Variants in TENM3 observed in about 807,000 individuals in gnomAD.
TENM3 encodes the protein teneurin transmembrane protein 3.
Under a neutral mutation model 255.1 loss-of-function variants are expected in TENM3, and 63 were observed. That is an observed-to-expected ratio of 0.25 (90% CI 0.20 to 0.30). The LOEUF (loss-of-function observed/expected upper bound fraction) is 0.30, where lower values mean the gene tolerates loss of function less well. Among genes scored for constraint, TENM3 ranks in the 10% least tolerant of loss-of-function variants. TENM3 has a pLI of 1.00. For synonymous variants in TENM3, 1,306 were observed against 1,322.3 expected, an observed-to-expected ratio of 0.99 and a Z score of 0.27; for missense variants, 2,929 against 3,461.1, an observed-to-expected ratio of 0.85 and a Z score of 3.86.
the TENM3 span, among the ~76,000 whole-genome samples, chr4:182,118,226 G>A: frequency 3.9e-3 from 596 of 151,932 alleles, 3 homozygotes; most frequent in African/African-American, 0.014. Flanking sequence ...TGTCATGCAC[G>A]AACAGAGACA....
chr4:181,622,879 C>T, the TENM3 span, among the ~76,000 whole-genome samples: 1 of 152,048 alleles, frequency 6.6e-6, no homozygotes, highest in Non-Finnish European at 1.5e-5. Flanking sequence ...GTCATTATGC[C>T]TCTAACTCTC....
intron 1 of TENM3, among the ~76,000 whole-genome samples, chr4:182,200,094 T>G (rs1754091706): frequency 6.6e-6 from 1 of 152,020 alleles, no homozygotes; most frequent in African/African-American, 2.4e-5. Context: ...ATGGAAAAAT[T>G]TATATTAAAC....
intron 1 of TENM3, among the ~76,000 whole-genome samples, chr4:182,200,886 G>T (rs2197997): frequency 1.3e-5 from 2 of 148,148 alleles, no homozygotes; most frequent in African/African-American, 5.0e-5. Flanking sequence ...GTGCAATGGC[G>T]CGATCTCGGC....
chr4:181,538,062 C>A, the TENM3 span, among the ~76,000 whole-genome samples: 1 of 152,082 alleles, frequency 6.6e-6, no homozygotes, highest in Non-Finnish European at 1.5e-5. Context: ...TTAGTAAAAT[C>A]AAAATTTATT....
the TENM3 span, among the ~76,000 whole-genome samples, chr4:181,747,420 A>G: frequency 6.6e-6 from 1 of 152,092 alleles, no homozygotes; most frequent in South Asian, 2.1e-4. Flanking sequence ...ACAGATCCCA[A>G]GTACGCTTTG....
chr4:182,107,892 T>A, the TENM3 span, among the ~76,000 whole-genome samples: 1 of 152,176 alleles, frequency 6.6e-6, no homozygotes, highest in Non-Finnish European at 1.5e-5. Flanking sequence ...ACTTTACCCA[T>A]TTTTTAGATA....
At chr4:182,723,391 G>T (rs755511409) in intron 13 of TENM3, among the ~76,000 whole-genome samples, 1 of 152,108 alleles carries the variant, frequency 6.6e-6, no homozygotes, top group African/African-American at 2.4e-5. Context: ...TTTCTAATTC[G>T]GACTTGAAAC....
chr4:181,856,488 G>A, the TENM3 span, among the ~76,000 whole-genome samples: 1 of 152,212 alleles, frequency 6.6e-6, no homozygotes, highest in Non-Finnish European at 1.5e-5. Flanking sequence ...TCATGAATGA[G>A]TAAATCTTGC....
At chr4:182,733,994 C>T (rs910763437) in intron 16 of TENM3, among the ~76,000 whole-genome samples, 1 of 152,202 alleles carries the variant, frequency 6.6e-6, no homozygotes, top group Middle Eastern at 3.4e-3. Context: ...TTCATTCATG[C>T]GGTAGGCAAA....
intron 3 of TENM3, among the ~76,000 whole-genome samples, chr4:182,567,222 A>C (rs1026180880): frequency 1.3e-5 from 2 of 152,096 alleles, no homozygotes. Context: ...TCTATTGTCA[A>C]AGTATGTTCA....
At chr4:181,452,206 A>C in the TENM3 span, among the ~76,000 whole-genome samples, 1 of 152,246 alleles carries the variant, frequency 6.6e-6, no homozygotes, top group South Asian at 2.1e-4. Flanking sequence ...TGGATGATAA[A>C]GAATAGAATT....
chr4:181,737,558 C>T, the TENM3 span, among the ~76,000 whole-genome samples: 2 of 152,022 alleles, frequency 1.3e-5, no homozygotes, highest in African/African-American at 4.8e-5. Context: ...ACGCTGACAG[C>T]ACATGAAGAG....
At chr4:182,003,455 A>T in the TENM3 span, among the ~76,000 whole-genome samples, 20 of 152,154 alleles carry the variant, frequency 1.3e-4, no homozygotes, top group Non-Finnish European at 2.5e-4. Flanking sequence ...ACATATATAC[A>T]TATTAGTCAT....
In TENM3 at chr4:182,380,770, T is replaced by G. The variant is rs1181666142; in HGVS notation, c.511+33841T>G. 2.6e-5 allele frequency among the ~76,000 whole-genome samples: 4 copies of G among 152,202 alleles called. No homozygotes were observed. The East Asian group carries it at 5.8e-4, about 22-fold the overall frequency. On this transcript the variant is annotated intron_variant, in intron 3 of 27. Transcript: ENST00000511685. ...CCGGAATTTAACGAAGGCCACATCT[T>G]GCTTTCCCATTTCAGCAAGGGTGTG...
the TENM3 span, among the ~76,000 whole-genome samples, chr4:181,959,838 G>T: frequency 1.3e-5 from 2 of 152,228 alleles, no homozygotes; most frequent in Admixed American, 6.5e-5. Context: ...ACTTAAATTG[G>T]TATTTAAATT....
intron 4 of TENM3, among the ~76,000 whole-genome samples, chr4:182,602,253 G>A (rs142176403): frequency 3.3e-5 from 5 of 152,252 alleles, no homozygotes; most frequent in African/African-American, 9.6e-5. Flanking sequence ...CAGGGTTTCC[G>A]TTAGGCTTGG....
the TENM3 span, among the ~76,000 whole-genome samples, chr4:181,672,341 A>G: frequency 7.2e-5 from 11 of 152,210 alleles, no homozygotes; most frequent in African/African-American, 2.7e-4. Context: ...TTATTTCTAT[A>G]TTTGGTACTA....
intron 2 of TENM3, among the ~76,000 whole-genome samples, chr4:182,337,404 C>A (rs1327990046): frequency 6.6e-6 from 1 of 152,090 alleles, no homozygotes; most frequent in African/African-American, 2.4e-5. Context: ...AGAAACATCA[C>A]AGAAAAGAGA....
the TENM3 span, among the ~76,000 whole-genome samples, chr4:181,882,187 AC>A: frequency 6.6e-6 from 1 of 152,116 alleles, no homozygotes; most frequent in Non-Finnish European, 1.5e-5. Context: ...TATGAGGAAA[AC>A]CCTTTGTAGA....
Sources: gnomAD v4.1 joint callset for allele counts (sites outside exome capture counted in the v4.1 genomes callset) on GRCh38, gnomAD v4.1.1 for gene constraint, MANE v1.5 for transcripts, NCBI Gene and HGNC (gene_info 2026-07-23, HGNC 2026-07-21) for gene names.